DTWD1: variants seen among roughly 807,000 people sequenced by gnomAD.
The protein encoded by DTWD1 is tRNA-uridine aminocarboxypropyltransferase 1.
DTWD1 carries 27 observed loss-of-function variants against 30.2 expected under a neutral mutation model. That is an observed-to-expected ratio of 0.90 (90% confidence interval 0.66 to 1.23). The LOEUF (loss-of-function observed/expected upper bound fraction) is 1.23, where lower values mean the gene tolerates loss of function less well. Ranked by LOEUF, DTWD1 falls within the 50% of genes most tolerant of loss-of-function variation. DTWD1 has a pLI of 0.00. For synonymous variants in DTWD1, 99 were observed against 113.1 expected (o/e 0.88, Z 0.79); for missense variants, 342 against 348.8 (o/e 0.98, Z 0.15).
intron 2 of DTWD1, 126 bp downstream of exon 2, chr15:49,625,557 C>A: frequency 1.9e-6 from 2 of 1,073,264 alleles, no homozygotes; most frequent in Non-Finnish European, 2.6e-6. Context: ...GTGCTTGTTG[C>A]TGCAAAGAAA....
At position 49,653,556 on chromosome 15, in the gene DTWD1, A is replaced by G. The variant is rs2079164289; in HGVS notation, c.*9978A>G. Reference sequence around the variant, plus strand: ...GCCAGCTAAGCCTTGAAGAATAGTGAACAAACTCTTACTGGAGGATGGGAA... The same window carrying G: ...GCCAGCTAAGCCTTGAAGAATAGTGGACAAACTCTTACTGGAGGATGGGAA... On this transcript the variant is annotated 3_prime_UTR_variant, in exon 5 of 5. Coordinates refer to ENST00000403028, the MANE Select transcript of DTWD1 (RefSeq NM_001144955.2). The G allele has an allele frequency of 6.6e-6, 1 of 152,180 alleles. No individual in the cohort carries two copies. Among genetic ancestry groups the G allele is most frequent in the South Asian group, 2.1e-4 (1 of 4,838 alleles). The allele number at this position is 152,180 out of a possible 1,614,324, so 9.4% of individuals were successfully genotyped here.
chr15:49,634,612 A>C lies in DTWD1; in HGVS notation c.485A>C (p.Asn162Thr). The C allele has an allele frequency of 6.2e-7, 1 of 1,613,894 alleles. No individual in the cohort carries two copies. Among genetic ancestry groups the C allele is most frequent in the South Asian group, 1.1e-5 (1 of 91,066 alleles). The change falls in exon 4 of 5, where the codon AAT becomes ACT. Residue 162 changes from asparagine to threonine, a missense_variant. Asn to Thr is a moderately conservative substitution (Grantham distance 65). Coordinates refer to ENST00000403028, the MANE Select transcript of DTWD1 (RefSeq NM_001144955.2). ...ISFHLQKRIQNNVRGKNDDPD... is the reference protein window; with the variant it reads ...ISFHLQKRIQTNVRGKNDDPD... The stretch of plus-strand genomic sequence containing the variant: ...TTTCATCTGCAAAAAAGGATTCAAA[A>C]TAATGTTAGAGGCAAAAATGATGAC...
At chr15:49,622,944 T>C (rs376016707) in intron 1 of DTWD1, among the ~76,000 whole-genome samples, 1 of 152,228 alleles carries the variant, frequency 6.6e-6, no homozygotes, top group Non-Finnish European at 1.5e-5. Context: ...TTCACTAATA[T>C]CCATTTAGTT....
At chr15:49,642,483 A>G (rs2079076895) in intron 4 of DTWD1, among the ~76,000 whole-genome samples, 2 of 152,212 alleles carry the variant, frequency 1.3e-5, no homozygotes, top group African/African-American at 4.8e-5. Context: ...ACAAACAAGC[A>G]AACAAAAGAA....
rs764262854 is a variant in DTWD1, at chr15:49,643,387, G to A, written c.724G>A (p.Gly242Arg). Residue 242 changes from glycine (G) to arginine (R), a missense_variant, in exon 5 of 5, where the codon GGA becomes AGA. Gly to Arg is a moderately radical substitution (Grantham distance 125). Transcript: ENST00000403028. ...RKTCFWRHQK[G>R]KPDTFLSTIE... ...AACTTGCTTTTGGCGCCATCAAAAAGGAAAGCCAGATACTTTCCTTTCTAC... is the reference window on the plus strand; with the variant it reads ...AACTTGCTTTTGGCGCCATCAAAAAAGAAAGCCAGATACTTTCCTTTCTAC... 23 of 1,559,458 alleles carry A rather than the reference G, an allele frequency of 1.5e-5. No individual in the cohort carries two copies. Among genetic ancestry groups the A allele is most frequent in the Non-Finnish European group, 1.9e-5 (22 of 1,159,954 alleles).
chr15:49,634,824 C>T (rs912399867), intron 4 of DTWD1, 30 bp downstream of exon 4: 3 of 1,535,000 alleles, frequency 2.0e-6, no homozygotes, highest in South Asian at 1.3e-5. Flanking sequence ...TTGGACTGCT[C>T]CTCCCTCAGA....
At chr15:49,636,562 C>T (rs989521566) in intron 4 of DTWD1, among the ~76,000 whole-genome samples, 2 of 151,980 alleles carry the variant, frequency 1.3e-5, no homozygotes, top group African/African-American at 4.8e-5. Flanking sequence ...TTTTATTTTT[C>T]ATGACTTAGA....
rs141990130 is a variant in DTWD1, at chr15:49,655,753, A to T, written c.*12175A>T. The T allele has an allele frequency of 4.6e-5, 7 of 152,044 alleles. No individual in the cohort carries two copies. The East Asian group carries it at 1.4e-3, about 29-fold the overall frequency. The allele number at this position is 152,044 out of a possible 1,614,324, so 9.4% of individuals were successfully genotyped here. ...ACTGTTGGCACGTTCGGCTTTTCTCATCTTTTCCCTGAGATCATTTATGAT... is the reference window on the plus strand; with the variant it reads ...ACTGTTGGCACGTTCGGCTTTTCTCTTCTTTTCCCTGAGATCATTTATGAT... On this transcript the variant is annotated 3_prime_UTR_variant, in exon 5 of 5. Transcript: ENST00000403028.
At position 49,625,351 on chromosome 15, in the gene DTWD1, G is replaced by A. The variant is rs1369273094; in HGVS notation, c.184G>A (p.Gly62Ser). Residue 62 changes from glycine to serine, a missense_variant, in exon 2 of 5, where the codon GGT (glycine) becomes AGT (serine). Coordinates refer to ENST00000403028, the MANE Select transcript of DTWD1 (RefSeq NM_001144955.2). ...TGGGAGATCAAAATGTCTCAAATGT[G>A]GTGGTTCCAGAATGTTCTACTGCTA... ...QSGRSKCLKC[G>S]GSRMFYCYTC... 6.2e-7 allele frequency: 1 copy of A among 1,613,572 alleles called. No homozygotes were observed. Among genetic ancestry groups the A allele is most frequent in the South Asian group, 1.1e-5 (1 of 91,048 alleles).
rs1358024625 is a variant in DTWD1 at position 49,649,799 on chromosome 15, T to C, written c.*6221T>C. The C allele has an allele frequency of 1.3e-5, 2 of 152,068 alleles. No individual in the cohort carries two copies. Among genetic ancestry groups the C allele is most frequent in the Non-Finnish European group, 2.9e-5 (2 of 68,006 alleles). 9.4% of individuals were successfully genotyped at this position (152,068 alleles called of 1,614,324 possible). A position where few individuals can be genotyped will look rare whatever the true frequency, so the allele number is the denominator to read the frequency against. ...GGAAGTTTCAGGGTTTCAGGATTCA[T>C]TCATCCATTCTAAAAAATTTTGAGT... is the stretch of plus-strand genomic sequence containing the variant. On this transcript the variant is annotated 3_prime_UTR_variant, in exon 5 of 5. Transcript: ENST00000403028.
chr15:49,636,109 C>A (rs2078998962), intron 4 of DTWD1, among the ~76,000 whole-genome samples: 1 of 152,016 alleles, frequency 6.6e-6, no homozygotes, highest in Non-Finnish European at 1.5e-5. Context: ...TACTCTTTTC[C>A]TTTTTTTGGT....
intron 2 of DTWD1, among the ~76,000 whole-genome samples, chr15:49,627,134 G>A (rs1024518098): frequency 6.6e-6 from 1 of 152,012 alleles, no homozygotes; most frequent in Non-Finnish European, 1.5e-5. Flanking sequence ...TAATAATAGA[G>A]GGTATTTTCC....
rs916343967 is a variant in DTWD1 at position 49,651,938 on chromosome 15, C to T, written c.*8360C>T. 6.6e-6 allele frequency: 1 copy of T among 152,104 alleles called. No individual in the cohort carries two copies. Among genetic ancestry groups the T allele is most frequent in the African/African-American group, 2.4e-5 (1 of 41,428 alleles). 9.4% of individuals were successfully genotyped at this position (152,104 alleles called of 1,614,324 possible). ...ACAACCTGCTGAAGGTACAGCTGAA[C>T]ACCAGCTCATAGGCAAATTCTACAA... On this transcript the variant is annotated 3_prime_UTR_variant, in exon 5 of 5. Transcript: ENST00000403028.
In DTWD1 at chr15:49,648,889, G is replaced by A. The variant is rs958387387; in HGVS notation, c.*5311G>A. The A allele has an allele frequency of 6.6e-6, 1 of 152,036 alleles. No homozygotes were observed. Among genetic ancestry groups the A allele is most frequent in the African/African-American group, 2.4e-5 (1 of 41,392 alleles). 9.4% of individuals were successfully genotyped at this position (152,036 alleles called of 1,614,324 possible). The stretch of plus-strand genomic sequence containing the variant: ...GAAAGGTCATTTCTGACCCCAGCTT[G>A]AAGTTTGTTTATTTTCACTTGAAGA... On this transcript the variant is annotated 3_prime_UTR_variant, in exon 5 of 5. Coordinates refer to ENST00000403028, the MANE Select transcript of DTWD1 (RefSeq NM_001144955.2).
At chr15:49,636,320 G>GT (rs2079002196) in intron 4 of DTWD1, among the ~76,000 whole-genome samples, 1 of 143,030 alleles carries the variant, frequency 7.0e-6, no homozygotes, top group African/African-American at 2.6e-5. Context: ...TGACACTTGT[G>GT]TAAAAAAAAA....
intron 3 of DTWD1, 63 bp from the exon 4 acceptor site, chr15:49,634,473 T>C: frequency 6.7e-7 from 1 of 1,483,046 alleles, no homozygotes; most frequent in Non-Finnish European, 9.0e-7. Context: ...TTTAAGTCAA[T>C]CAAAATTTAT....
intron 4 of DTWD1, among the ~76,000 whole-genome samples, chr15:49,638,352 G>T (rs963380226): frequency 5.9e-5 from 9 of 152,032 alleles, no homozygotes; most frequent in Non-Finnish European, 1.3e-4. Context: ...ATATATTTCA[G>T]TTCTGTGCTA....
chr15:49,633,075 T>C (rs1398566069), intron 3 of DTWD1, among the ~76,000 whole-genome samples: 1 of 87,434 alleles, frequency 1.1e-5, no homozygotes, highest in Non-Finnish European at 3.1e-5. Context: ...ATATATGTAT[T>C]TTTTTGGTTG....
At chr15:49,642,643 T>C (rs1320788777) in intron 4 of DTWD1, among the ~76,000 whole-genome samples, 10 of 152,126 alleles carry the variant, frequency 6.6e-5, no homozygotes, top group Admixed American at 6.6e-4. Flanking sequence ...CTGGGCACTG[T>C]AGCTCATGCC....
Sources: gnomAD v4.1 joint callset for allele counts (sites outside exome capture counted in the v4.1 genomes callset) on GRCh38, gnomAD v4.1.1 for gene constraint, MANE v1.5 for transcripts, NCBI Gene and HGNC (gene_info 2026-07-23, HGNC 2026-07-21) for gene names.